Variants in CNOT2 observed in about 807,000 individuals in gnomAD.
The protein encoded by CNOT2 is CCR4-NOT transcription complex subunit 2.
Under a neutral mutation model 72.1 loss-of-function variants are expected in CNOT2, and 7 were observed. That is an observed-to-expected ratio of 0.10 (90% CI 0.06 to 0.18). The LOEUF is 0.18. Ranked by LOEUF, CNOT2 falls within the 10% of genes least tolerant of loss-of-function variation. The probability of loss-of-function intolerance (pLI) is 1.00; values close to 1 mark genes in which losing one functional copy is unlikely to be tolerated. For synonymous variants in CNOT2, 196 were observed against 225.6 expected (o/e 0.87, Z 1.17); for missense variants, 345 against 660.3 (o/e 0.52, Z 5.23).
At chr12:70,272,330 A>G (rs1168828273) in intron 1 of CNOT2, among the ~76,000 whole-genome samples, 1 of 152,168 alleles carries the variant, frequency 6.6e-6, no homozygotes, top group African/African-American at 2.4e-5. Flanking sequence ...GTGTTCAGTG[A>G]AGGCCTTTCT....
At chr12:70,312,529 A>G (rs1487335900) in intron 3 of CNOT2, among the ~76,000 whole-genome samples, 1 of 152,020 alleles carries the variant, frequency 6.6e-6, no homozygotes. Flanking sequence ...TAAAATCAGA[A>G]TTAGTATATA....
chr12:70,330,441 C>T lies in CNOT2; in HGVS notation c.541C>T (p.Pro181Ser). ...PSIICMPKQQ[P>S]SRQPFTVNSM... is the part of the protein sequence containing the mutation. ...CATAATATGTATGCCAAAGCAGCAG[C>T]CTTCTCGACAGCCTTTTACTGTGAA... Residue 181 changes from proline (P) to serine (S), a missense_variant, in exon 6 of 16, where the codon CCT becomes TCT. Pro to Ser is a moderately conservative substitution (Grantham distance 74, BLOSUM62 -1). Around this residue, in one of 4 missense-constraint regions of CNOT2, gnomAD observed 157 missense variants for 235.3 expected, o/e 0.67. Transcript: ENST00000229195. 6.2e-7 allele frequency: 1 copy of T among 1,612,306 alleles called. No individual in the cohort carries two copies.
chr12:70,308,066 C>G (rs190121488), intron 2 of CNOT2, among the ~76,000 whole-genome samples: 3 of 152,166 alleles, frequency 2.0e-5, no homozygotes, highest in Non-Finnish European at 2.9e-5. Flanking sequence ...CCTTCACCAC[C>G]TAAGTTCATG....
intron 15 of CNOT2, among the ~76,000 whole-genome samples, chr12:70,353,244 T>G (rs1883093579): frequency 6.6e-6 from 1 of 152,020 alleles, no homozygotes; most frequent in Non-Finnish European, 1.5e-5. Context: ...AGCTAATTTT[T>G]GTATTTTTAG....
intron 1 of CNOT2, among the ~76,000 whole-genome samples, chr12:70,254,841 C>T (rs1407974271): frequency 6.6e-6 from 1 of 151,842 alleles, no homozygotes; most frequent in African/African-American, 2.4e-5. Flanking sequence ...ATTAGCCAGG[C>T]ATGGTGGCAC....
At chr12:70,265,526 T>C (rs1313557764) in intron 1 of CNOT2, among the ~76,000 whole-genome samples, 1 of 152,086 alleles carries the variant, frequency 6.6e-6, no homozygotes, top group Non-Finnish European at 1.5e-5. Flanking sequence ...TGGTAGTTTC[T>C]GACTTTTTTC....
intron 2 of CNOT2, among the ~76,000 whole-genome samples, chr12:70,298,577 A>C (rs1030242411): frequency 3.9e-5 from 6 of 152,242 alleles, no homozygotes; most frequent in Admixed American, 3.9e-4. Context: ...AGCATTTAGA[A>C]TATTCCCTGG....
intron 2 of CNOT2, among the ~76,000 whole-genome samples, chr12:70,302,416 TC>T (rs1190719795): frequency 6.6e-6 from 1 of 151,888 alleles, no homozygotes; most frequent in Non-Finnish European, 1.5e-5. Flanking sequence ...GTATGTTGTG[TC>T]TTTGTTCTCG....
At chr12:70,298,206 T>G (rs1873165256) in intron 2 of CNOT2, among the ~76,000 whole-genome samples, 1 of 152,236 alleles carries the variant, frequency 6.6e-6, no homozygotes, top group Non-Finnish European at 1.5e-5. Flanking sequence ...TGTGCTAAAG[T>G]GATCTTTTTG....
chr12:70,318,502 A>C (rs1490063953), intron 3 of CNOT2, among the ~76,000 whole-genome samples: 2 of 151,716 alleles, frequency 1.3e-5, no homozygotes, highest in Non-Finnish European at 2.9e-5. Context: ...TTACACTTAT[A>C]CTCACTGCAT....
At chr12:70,333,531 A>T (rs1161047591) in intron 7 of CNOT2, among the ~76,000 whole-genome samples, 1 of 151,884 alleles carries the variant, frequency 6.6e-6, no homozygotes, top group Non-Finnish European at 1.5e-5. Context: ...GAAATAAAGG[A>T]TGTTATGATC....
intron 15 of CNOT2, among the ~76,000 whole-genome samples, chr12:70,349,404 C>A (rs1882595413): frequency 6.6e-6 from 1 of 152,056 alleles, no homozygotes; most frequent in African/African-American, 2.4e-5. Context: ...CTGTAAGAAG[C>A]CTACAGTATG....
chr12:70,328,310 G>T (rs1365039874), intron 4 of CNOT2, among the ~76,000 whole-genome samples: 2 of 151,780 alleles, frequency 1.3e-5, no homozygotes, highest in African/African-American at 4.8e-5. Flanking sequence ...TTATGCCAAA[G>T]GATAAAATCA....
chr12:70,333,863 A>T (rs1386654256), intron 7 of CNOT2, among the ~76,000 whole-genome samples: 1 of 151,966 alleles, frequency 6.6e-6, no homozygotes, highest in Non-Finnish European at 1.5e-5. Context: ...ATGTCTTTGA[A>T]ATCAGGCTAC....
At chr12:70,296,363 TTG>T in intron 2 of CNOT2, among the ~76,000 whole-genome samples, 3 of 152,110 alleles carry the variant, frequency 2.0e-5, no homozygotes, top group African/African-American at 7.2e-5. Context: ...TCATAGATTT[TTG>T]TGTGTGTGTG....
intron 1 of CNOT2, among the ~76,000 whole-genome samples, chr12:70,252,250 G>C (rs964093622): frequency 2.0e-5 from 3 of 152,088 alleles, no homozygotes; most frequent in Admixed American, 6.5e-5. Flanking sequence ...GCAGTATCAT[G>C]ATCACGGTGC....
At chr12:70,293,286 G>A (rs1366255190) in intron 2 of CNOT2, among the ~76,000 whole-genome samples, 2 of 151,292 alleles carry the variant, frequency 1.3e-5, no homozygotes, top group Admixed American at 6.6e-5. Context: ...TCCGCCTCCC[G>A]AGTAGCTGGG....
In CNOT2 at chr12:70,346,768, T is replaced by C. The variant is rs562089841; in HGVS notation, c.1536+444T>C. 3 of 152,482 alleles carry C rather than the reference T, an allele frequency of 2.0e-5. No individual in the cohort carries two copies. The East Asian group carries it at 5.8e-4, about 29-fold the overall frequency. 9.4% of individuals were successfully genotyped at this position (152,482 alleles called of 1,614,324 possible). On this transcript the variant is annotated intron_variant, in intron 15 of 15. Transcript: ENST00000229195. ...TTGCAAGTAATTTTAAGAAAGAAAATTACAGGCGTTAACTATGACTATTTC... is the reference window on the plus strand; with the variant it reads ...TTGCAAGTAATTTTAAGAAAGAAAACTACAGGCGTTAACTATGACTATTTC...
At chr12:70,304,506 G>C (rs1874827695) in intron 2 of CNOT2, among the ~76,000 whole-genome samples, 1 of 152,212 alleles carries the variant, frequency 6.6e-6, no homozygotes, top group South Asian at 2.1e-4. Context: ...AGCGGTGGCT[G>C]CAGAAGAGCA....
Sources: gnomAD v4.1 joint callset for allele counts (sites outside exome capture counted in the v4.1 genomes callset) on GRCh38, gnomAD v4.1.1 for gene constraint, gnomAD v4.1.1 regional missense constraint, MANE v1.5 for transcripts, NCBI Gene and HGNC (gene_info 2026-07-23, HGNC 2026-07-21) for gene names.